Variants in ICA1L observed in about 807,000 individuals in gnomAD.
The protein encoded by ICA1L is islet cell autoantigen 1 like.
A neutral mutation model predicts 61.3 loss-of-function variants in ICA1L; 50 were observed. That is an observed-to-expected ratio of 0.82 (90% confidence interval 0.65 to 1.03). The LOEUF is 1.03. Among genes scored for constraint, ICA1L ranks in the 50% least tolerant of loss-of-function variants. The pLI is 0.00. For missense variants in ICA1L, 508 were observed against 556.7 expected (o/e 0.91, Z 0.88); for synonymous variants, 161 against 191.3 (o/e 0.84, Z 1.31).
rs186376196 is a variant in ICA1L, at chr2:202,806,086, C to T, written c.910+5660G>A. ...GCTCACGCCTGTAATCCCAGCACTTCGGGAGGCTGAGCCGAAAGCTCCAGC... is the reference window on the plus strand; with the variant it reads ...GCTCACGCCTGTAATCCCAGCACTTTGGGAGGCTGAGCCGAAAGCTCCAGC... On this transcript the variant is annotated intron_variant, in intron 9 of 12. Coordinates refer to ENST00000358299, the MANE Select transcript of ICA1L (RefSeq NM_001288622.3). Among the ~76,000 whole-genome samples the T allele has an allele frequency of 2.0e-4, 30 of 152,234 alleles. 1 individual carries two copies. Among genetic ancestry groups the T allele is most frequent in the East Asian group, 1.5e-3 (8 of 5,174 alleles).
intron 1 of ICA1L, among the ~76,000 whole-genome samples, chr2:202,852,954 G>A (rs1694670987): frequency 6.6e-6 from 1 of 151,836 alleles, no homozygotes; most frequent in Non-Finnish European, 1.5e-5. Context: ...AATGGGGAAA[G>A]GAGTCCCTAT....
rs80134434 is a variant in ICA1L at position 202,847,695 on chromosome 2, T to TTATATATATATATATATATATATATA, written c.-7-18680_-7-18679insTATATATATATATATATATATATATA. Reference sequence around the variant, plus strand: ...CTTAGAATGAAATATTATATGGGAATTATATATATATATAGTTAAGCAGTG... The same window carrying TTATATATATATATATATATATATATA: ...CTTAGAATGAAATATTATATGGGAATTATATATATATATATATATATATATATATATATATATATAGTTAAGCAGTG... On this transcript the variant is annotated intron_variant, in intron 1 of 12. Transcript: ENST00000358299. Among the ~76,000 whole-genome samples the TTATATATATATATATATATATATATA allele has an allele frequency of 9.6e-4, 98 of 102,174 alleles. 1 individual carries two copies. The highest frequency in any genetic ancestry group is 1.7e-3 in the East Asian group (5 of 2,868). The allele number at this position is 102,174 out of a possible 152,430, so 67.0% of individuals were successfully genotyped here. A position where few individuals can be genotyped will look rare whatever the true frequency, so the allele number is the denominator to read the frequency against.
chr2:202,789,212 T>A, intron 10 of ICA1L, 125 bp from the exon 11 acceptor site: 2 of 782,824 alleles, frequency 2.6e-6, no homozygotes, highest in Non-Finnish European at 4.0e-6. Context: ...AACAAACAAC[T>A]AAAGTGACTG....
chr2:202,814,551 A>G, intron 8 of ICA1L, 151 bp downstream of exon 8: 1 of 627,370 alleles, frequency 1.6e-6, no homozygotes. Context: ...TAGCAACACA[A>G]AACAGACTAT....
chr2:202,804,713 C>T lies in ICA1L; in HGVS notation c.910+7033G>A, dbSNP rs1693177786. On this transcript the variant is annotated intron_variant, in intron 9 of 12. Coordinates refer to ENST00000358299, the MANE Select transcript of ICA1L (RefSeq NM_001288622.3). ...TCCTGCATTCAACAGTTTGAGTATA[C>T]ATTCTTCTCAAGCAACATGAAACAT... Among the ~76,000 whole-genome samples the T allele has an allele frequency of 2.0e-5, 3 of 152,294 alleles. No individual in the cohort carries two copies. In the South Asian group the frequency reaches 6.2e-4, roughly 32 times the overall value.
chr2:202,817,298 T>A (rs527568712), intron 6 of ICA1L, 120 bp downstream of exon 6: 1 of 925,244 alleles, frequency 1.1e-6, no homozygotes, highest in South Asian at 2.5e-5. Context: ...ATAACCTCAA[T>A]AAAGCAAAGT....
chr2:202,834,712 C>T (rs529153004), intron 1 of ICA1L, among the ~76,000 whole-genome samples: 1 of 152,318 alleles, frequency 6.6e-6, no homozygotes, highest in South Asian at 2.1e-4. Flanking sequence ...ATTTTAAAAA[C>T]ATCATTGATA....
chr2:202,851,749 C>G (rs1350616120), intron 1 of ICA1L, among the ~76,000 whole-genome samples: 1 of 152,178 alleles, frequency 6.6e-6, no homozygotes, highest in African/African-American at 2.4e-5. Flanking sequence ...ATTTGCATTT[C>G]TCTGATGGCC....
intron 1 of ICA1L, among the ~76,000 whole-genome samples, chr2:202,861,967 T>C (rs1335809367): frequency 1.4e-5 from 2 of 147,640 alleles, no homozygotes; most frequent in African/African-American, 5.0e-5. Context: ...GAGCAACACT[T>C]TTAACCAACT....
At chr2:202,797,463 C>T (rs533230995) in intron 9 of ICA1L, among the ~76,000 whole-genome samples, 15 of 152,228 alleles carry the variant, frequency 9.9e-5, no homozygotes, top group African/African-American at 2.6e-4. Flanking sequence ...TAATACATTG[C>T]GAAATAGCTA....
chr2:202,818,342 G>A (rs1034960167), intron 5 of ICA1L, among the ~76,000 whole-genome samples: 1 of 152,104 alleles, frequency 6.6e-6, no homozygotes, highest in African/African-American at 2.4e-5. Flanking sequence ...CAAGGACAAA[G>A]GTCCTGAGAG....
chr2:202,841,095 T>C lies in ICA1L; in HGVS notation c.-7-12079A>G, dbSNP rs572599472. On this transcript the variant is annotated intron_variant, in intron 1 of 12. Coordinates refer to ENST00000358299, the MANE Select transcript of ICA1L (RefSeq NM_001288622.3). ...GGACTGCAGCTTCTGGATCTCCTCTTCATACAGCTGCCCGAGGAGGTTGAT... is the reference window on the plus strand; with the variant it reads ...GGACTGCAGCTTCTGGATCTCCTCTCCATACAGCTGCCCGAGGAGGTTGAT... The C allele has an allele frequency of 6.0e-5, 38 of 638,074 alleles. No homozygotes were observed. In the East Asian group the frequency reaches 1.3e-3, roughly 21 times the overall value. The allele number at this position is 638,074 out of a possible 1,614,324, so 39.5% of individuals were successfully genotyped here. A position where few individuals can be genotyped will look rare whatever the true frequency, so the allele number is the denominator to read the frequency against.
Position 202,819,691 on chromosome 2 carries a change from G to T in ICA1L, c.558+10C>A. ...TACACCAAGAAAAGGAAAGGGATAC[G>T]TTTTCATACTTTTCTAAACTTTTCC... On this transcript the variant is annotated intron_variant, in intron 5 of 12. Coordinates refer to ENST00000358299, the MANE Select transcript of ICA1L (RefSeq NM_001288622.3). 12 of 1,597,848 alleles carry T rather than the reference G, an allele frequency of 7.5e-6. No individual in the cohort carries two copies. Among genetic ancestry groups the T allele is most frequent in the Non-Finnish European group, 9.4e-6 (11 of 1,165,326 alleles).
At position 202,779,547 on chromosome 2, in the gene ICA1L, G is replaced by A. The variant is rs761036113; in HGVS notation, c.1435C>T (p.Leu479Phe). 3 of 1,600,798 alleles carry A rather than the reference G, an allele frequency of 1.9e-6. No homozygotes were observed. Among genetic ancestry groups the A allele is most frequent in the Non-Finnish European group, 1.7e-6 (2 of 1,169,828 alleles). Residue 479 changes from leucine to phenylalanine, a missense_variant, in exon 13 of 13, where the codon CTT becomes TTT. Physicochemically the swap from Leu to Phe is conservative, Grantham distance 22. Transcript: ENST00000358299. ...PDAIGHSDDE[L>F]LNA Reference sequence around the variant, plus strand: ...TATAACTTCAGTCAAGCATTAAGAAGTTCATCATCTGAGTGTCCAATAGCA... The same window carrying A: ...TATAACTTCAGTCAAGCATTAAGAAATTCATCATCTGAGTGTCCAATAGCA...
At chr2:202,854,019 C>A (rs1453799391) in intron 1 of ICA1L, among the ~76,000 whole-genome samples, 1 of 152,112 alleles carries the variant, frequency 6.6e-6, no homozygotes, top group Non-Finnish European at 1.5e-5. Flanking sequence ...ATCATGATGA[C>A]AGGATCAAAT....
At chr2:202,841,718 TG>T in intron 1 of ICA1L, 1 of 512,714 alleles carries the variant, frequency 2.0e-6, no homozygotes, top group Middle Eastern at 3.9e-4. Flanking sequence ...GCCGAAGGCC[TG>T]GGGGCCAGAG....
chr2:202,834,304 C>A, intron 1 of ICA1L, among the ~76,000 whole-genome samples: 1 of 152,076 alleles, frequency 6.6e-6, no homozygotes, highest in East Asian at 1.9e-4. Context: ...ATTATTGTTT[C>A]TTTCTTAATT....
intron 8 of ICA1L, among the ~76,000 whole-genome samples, chr2:202,813,616 G>A (rs755305744): frequency 4.6e-5 from 7 of 152,138 alleles, no homozygotes; most frequent in Middle Eastern, 3.2e-3. Flanking sequence ...ACTCCAAGGC[G>A]CGTTGGGCTT....
intron 1 of ICA1L, among the ~76,000 whole-genome samples, chr2:202,862,285 A>C (rs1467398220): frequency 1.0e-4 from 12 of 116,190 alleles, no homozygotes; most frequent in East Asian, 6.1e-4. Context: ...AAAAAAAAAA[A>C]AAAAAAAAAA....
Sources: gnomAD v4.1 joint callset for allele counts (sites outside exome capture counted in the v4.1 genomes callset) on GRCh38, gnomAD v4.1.1 for gene constraint, MANE v1.5 for transcripts, NCBI Gene and HGNC (gene_info 2026-07-23, HGNC 2026-07-21) for gene names.